The following SPAG16 variants were observed in gnomAD, a reference collection of about 807,000 sequenced individuals.
The protein encoded by SPAG16 is sperm-associated antigen 16 protein.
In SPAG16, 86 loss-of-function variants were observed where a neutral mutation model predicts 80.4. That is an observed-to-expected ratio of 1.07 (90% CI 0.90 to 1.28). The LOEUF is 1.28. Ranked by LOEUF, SPAG16 falls within the 50% of genes most tolerant of loss-of-function variation. The pLI, the probability that SPAG16 is intolerant of heterozygous loss-of-function variation, is 0.00. For synonymous variants in SPAG16, 294 were observed against 265.9 expected (o/e 1.11, Z -1.03); for missense variants, 870 against 765.3 (o/e 1.14, Z -1.61).
chr2:213,943,059 C>A (rs1285484592), intron 12 of SPAG16, among the ~76,000 whole-genome samples: 5 of 152,172 alleles, frequency 3.3e-5, no homozygotes, highest in African/African-American at 4.8e-5. Flanking sequence ...TGGGCTTTCA[C>A]CAGGCACTGG....
intron 10 of SPAG16, among the ~76,000 whole-genome samples, chr2:213,851,036 C>T (rs2074878082): frequency 6.6e-6 from 1 of 152,036 alleles, no homozygotes; most frequent in African/African-American, 2.4e-5. Context: ...AACCTGAAGA[C>T]TTTTCCTAGA....
intron 9 of SPAG16, among the ~76,000 whole-genome samples, chr2:213,489,378 G>A (rs1301610065): frequency 2.0e-5 from 3 of 152,016 alleles, no homozygotes; most frequent in Non-Finnish European, 4.4e-5. Context: ...TGGTGGAGCG[G>A]GCGGTGACCA....
At chr2:213,456,520 A>G (rs1250261176) in intron 9 of SPAG16, among the ~76,000 whole-genome samples, 4 of 152,142 alleles carry the variant, frequency 2.6e-5, no homozygotes, top group Non-Finnish European at 5.9e-5. Context: ...CCATTCTTCA[A>G]TGTTCCTTAA....
intron 15 of SPAG16, among the ~76,000 whole-genome samples, chr2:214,321,635 G>A (rs887381513): frequency 6.6e-6 from 1 of 152,136 alleles, no homozygotes; most frequent in Admixed American, 6.5e-5. Context: ...TTTTAGACCC[G>A]AGATTTTTAT....
intron 10 of SPAG16, among the ~76,000 whole-genome samples, chr2:213,810,780 A>G (rs1244556000): frequency 6.6e-6 from 1 of 152,176 alleles, no homozygotes; most frequent in Non-Finnish European, 1.5e-5. Flanking sequence ...ATATTTTGAT[A>G]TTGGTCTAAG....
intron 5 of SPAG16, among the ~76,000 whole-genome samples, chr2:213,321,098 A>G (rs186355927): frequency 4.6e-5 from 7 of 152,220 alleles, no homozygotes; most frequent in Admixed American, 1.3e-4. Context: ...ATAGAATAGG[A>G]TATTTCTTAA....
rs2063410393 is a variant in SPAG16 at position 213,316,612 on chromosome 2, TC to T, written c.399-605del. ...CCTTGGTCACTTAGTTGGCTTCAGT[TC>T]CAGACACTCCAGGTACCCTGGCTGT... On this transcript the variant is annotated intron_variant, in intron 4 of 15. Transcript: ENST00000331683. 4.6e-5 allele frequency among the ~76,000 whole-genome samples: 7 copies of T among 152,124 alleles called. No individual in the cohort carries two copies. In the South Asian group the frequency reaches 1.5e-3, roughly 32 times the overall value.
intron 10 of SPAG16, among the ~76,000 whole-genome samples, chr2:213,508,434 C>A (rs565861284): frequency 2.0e-5 from 3 of 152,000 alleles, no homozygotes; most frequent in African/African-American, 7.3e-5. Flanking sequence ...TAGCCGGGCG[C>A]GGTGGCGGGC....
intron 9 of SPAG16, among the ~76,000 whole-genome samples, chr2:213,393,974 AT>A (rs1460101731): frequency 6.6e-6 from 1 of 152,088 alleles, no homozygotes; most frequent in African/African-American, 2.4e-5. Context: ...ATTGACATTA[AT>A]TTTGTGATCA....
intron 1 of SPAG16, among the ~76,000 whole-genome samples, chr2:213,291,661 G>A (rs6723575): frequency 0.27 from 41,589 of 152,060 alleles, 6,336 homozygotes; most frequent in Middle Eastern, 0.45. Flanking sequence ...AAAAAAATAG[G>A]TGAGTTCATT....
At chr2:213,980,272 C>A (rs181037503) in intron 12 of SPAG16, among the ~76,000 whole-genome samples, 617 of 26,654 alleles carry the variant, frequency 0.023, 65 homozygotes, top group African/African-American at 0.19. Flanking sequence ...TATATATTCT[C>A]TATATATATA....
intron 10 of SPAG16, among the ~76,000 whole-genome samples, chr2:213,554,485 T>G (rs886759030): frequency 1.3e-5 from 2 of 152,118 alleles, no homozygotes; most frequent in African/African-American, 2.4e-5. Flanking sequence ...TTTAGCATTA[T>G]GAAAAGAACA....
chr2:213,731,315 C>A (rs1483638743), intron 10 of SPAG16, among the ~76,000 whole-genome samples: 1 of 151,968 alleles, frequency 6.6e-6, no homozygotes, highest in Non-Finnish European at 1.5e-5. Context: ...CACTAACATG[C>A]CTGGCTAATT....
chr2:213,489,211 AG>A (rs2074131152), intron 9 of SPAG16, among the ~76,000 whole-genome samples: 1 of 152,160 alleles, frequency 6.6e-6, no homozygotes, highest in Non-Finnish European at 1.5e-5. Context: ...ATTAGCTGTA[AG>A]GGGATTCATA....
At chr2:213,995,282 C>G (rs1156309640) in intron 12 of SPAG16, among the ~76,000 whole-genome samples, 1 of 151,926 alleles carries the variant, frequency 6.6e-6, no homozygotes, top group Non-Finnish European at 1.5e-5. Flanking sequence ...GAGGAGGAGC[C>G]CAGGGGAGCC....
At chr2:213,852,311 A>G (rs1027252127) in intron 10 of SPAG16, among the ~76,000 whole-genome samples, 3 of 152,048 alleles carry the variant, frequency 2.0e-5, no homozygotes, top group Non-Finnish European at 4.4e-5. Flanking sequence ...CTTACTTTCC[A>G]TTTTCCACAG....
At chr2:214,203,818 A>G (rs2058074318) in intron 15 of SPAG16, among the ~76,000 whole-genome samples, 1 of 152,176 alleles carries the variant, frequency 6.6e-6, no homozygotes. Flanking sequence ...CCTGGACGGA[A>G]CCTGGAGAAG....
chr2:213,996,390 G>T (rs1205525373), intron 12 of SPAG16, among the ~76,000 whole-genome samples: 6 of 152,090 alleles, frequency 3.9e-5, no homozygotes, highest in African/African-American at 1.4e-4. Context: ...CATATTTGAT[G>T]TATTATATTT....
chr2:213,436,418 T>C (rs1366340933), intron 9 of SPAG16, among the ~76,000 whole-genome samples: 1 of 152,186 alleles, frequency 6.6e-6, no homozygotes, highest in Non-Finnish European at 1.5e-5. Context: ...TGTGTAATAC[T>C]GTAGACTTAT....
Sources: gnomAD v4.1 joint callset for allele counts (sites outside exome capture counted in the v4.1 genomes callset) on GRCh38, gnomAD v4.1.1 for gene constraint, MANE v1.5 for transcripts, NCBI Gene and HGNC (gene_info 2026-07-23, HGNC 2026-07-21) for gene names.